Variants in DNMT3B observed in about 807,000 individuals in gnomAD.
DNMT3B encodes the protein DNA methyltransferase 3 beta.
DNMT3B carries 37 observed loss-of-function variants against 120.2 expected under a neutral mutation model. The observed-to-expected ratio is 0.31, with a 90% CI of 0.24 to 0.40. The LOEUF (loss-of-function observed/expected upper bound fraction) is 0.40, where lower values mean the gene tolerates loss of function less well. DNMT3B is among the 10% of genes least tolerant of loss of function. The pLI is 1.00. For synonymous variants in DNMT3B, 412 were observed against 442.8 expected (o/e 0.93, Z 0.87); for missense variants, 878 against 1,137.3 (o/e 0.77, Z 3.28).
rs770124472 is a variant in DNMT3B at position 32,800,835 on chromosome 20, A to G, written c.1906A>G (p.Ile636Val). The change falls in exon 18 of 23, where the codon ATT becomes GTT. Residue 636 changes from isoleucine (I) to valine (V), a missense_variant and splice_region_variant. This residue lies in a region of DNMT3B where 334 missense variants were observed against 518.8 expected (regional missense o/e 0.64). Transcript: ENST00000328111. Reference sequence around the variant, plus strand: ...TCCTGACTCTGTCTCTCTCTTTCAGATTGAAGAATGGGGCCCATTTGACTT... The same window carrying G: ...TCCTGACTCTGTCTCTCTCTTTCAGGTTGAAGAATGGGGCCCATTTGACTT... ...NDVRNITKKN[I>V]EEWGPFDLVI... 1.4e-5 allele frequency: 23 copies of G among 1,613,952 alleles called. No individual in the cohort carries two copies. The South Asian group carries it at 2.3e-4, about 16-fold the overall frequency.
Position 32,800,232 on chromosome 20 carries a change from T to G in DNMT3B, c.1839T>G (p.Val613=). Residue 613 remains valine, a synonymous_variant, in exon 17 of 23, where the codon GTT becomes GTG. Transcript: ENST00000328111. The part of the protein sequence containing the change: ...ASEVCEESIA[V]GTVKHEGNIK... ...AAGTGTGTGAGGAGTCCATTGCTGT[T>G]GGAACCGTGAAGCACGAGGGGAATA... The G allele has an allele frequency of 6.2e-7, 1 of 1,614,166 alleles. No individual in the cohort carries two copies. The highest frequency in any genetic ancestry group is 1.1e-5 in the South Asian group (1 of 91,086).
intron 19 of DNMT3B, among the ~76,000 whole-genome samples, chr20:32,801,940 T>C (rs779082518): frequency 6.6e-6 from 1 of 152,134 alleles, no homozygotes; most frequent in African/African-American, 2.4e-5. Flanking sequence ...AAGTCAGAAA[T>C]GATGAAACAA....
intron 9 of DNMT3B, among the ~76,000 whole-genome samples, chr20:32,793,068 G>A (rs2145985647): frequency 6.6e-6 from 1 of 152,314 alleles, no homozygotes; most frequent in South Asian, 2.1e-4. Flanking sequence ...AAATAGTTAA[G>A]CTATGCTCAT....
intron 4 of DNMT3B, among the ~76,000 whole-genome samples, chr20:32,785,060 G>A (rs1385739899): frequency 3.4e-5 from 5 of 148,762 alleles, no homozygotes; most frequent in African/African-American, 7.5e-5. Context: ...TTTCTGAGAC[G>A]GAGTCTCACT....
intron 1 of DNMT3B, among the ~76,000 whole-genome samples, chr20:32,770,610 CTTT>C (rs1555833247): frequency 1.4e-5 from 2 of 144,840 alleles, no homozygotes; most frequent in East Asian, 4.0e-4. Context: ...CTCCGCCTTA[CTTT>C]TTTTTTTTTT....
intron 19 of DNMT3B, 64 bp downstream of exon 19, chr20:32,801,490 G>A: frequency 6.2e-7 from 1 of 1,604,554 alleles, no homozygotes; most frequent in East Asian, 2.2e-5. Flanking sequence ...TGCTGGCAGT[G>A]ATGATTGGTG....
chr20:32,795,761 T>A (rs1980547747), intron 12 of DNMT3B, 67 bp downstream of exon 12: 2 of 1,597,284 alleles, frequency 1.3e-6, no homozygotes, highest in Admixed American at 3.3e-5. Context: ...TGCCTTGTCC[T>A]GGCTCATCCA....
intron 4 of DNMT3B, 73 bp downstream of exon 4, chr20:32,784,932 A>G: frequency 1.4e-6 from 2 of 1,408,880 alleles, no homozygotes; most frequent in Non-Finnish European, 2.0e-6. Flanking sequence ...TGCTACATAC[A>G]TAGCATAGCT....
chr20:32,808,029 C>G lies in DNMT3B; in HGVS notation c.*126C>G. ...GTGGGTCATACCGTGTACCTCAGTTCCCTCTTGCTCAGTGGGGGCAGAGCC... is the reference window on the plus strand; with the variant it reads ...GTGGGTCATACCGTGTACCTCAGTTGCCTCTTGCTCAGTGGGGGCAGAGCC... On this transcript the variant is annotated 3_prime_UTR_variant, in exon 23 of 23. Transcript: ENST00000328111. 2.0e-6 allele frequency: 3 copies of G among 1,528,702 alleles called. No individual in the cohort carries two copies. The highest frequency in any genetic ancestry group is 2.3e-5 in the South Asian group (2 of 86,054). The allele number at this position is 1,528,702 out of a possible 1,614,324, so 94.7% of individuals were successfully genotyped here.
chr20:32,787,747 G>A (rs1488122845), intron 6 of DNMT3B, among the ~76,000 whole-genome samples: 4 of 152,080 alleles, frequency 2.6e-5, no homozygotes, highest in Non-Finnish European at 4.4e-5. Flanking sequence ...TTTCATGTAC[G>A]CCCGTGTGAA....
rs1362412497 is a variant in DNMT3B at position 32,793,711 on chromosome 20, C to T, written c.1126+116C>T. On this transcript the variant is annotated intron_variant, in intron 10 of 22. Coordinates refer to ENST00000328111, the MANE Select transcript of DNMT3B (RefSeq NM_006892.4). ...AAATTTCTTGAAAAGTCAATCTGAA[C>T]TCCCTCCCCACTCTCCCCTCACATC... 3 of 1,169,254 alleles carry T rather than the reference C, an allele frequency of 2.6e-6. No individual in the cohort carries two copies. The East Asian group carries it at 7.6e-5, about 30-fold the overall frequency. 72.4% of individuals were successfully genotyped at this position (1,169,254 alleles called of 1,614,324 possible).
intron 1 of DNMT3B, among the ~76,000 whole-genome samples, chr20:32,773,599 G>A (rs6119951): frequency 0.058 from 8,423 of 145,452 alleles, 821 homozygotes; most frequent in African/African-American, 0.21. Flanking sequence ...TGGGGTTTGA[G>A]AGAAATATTG....
Position 32,808,281 on chromosome 20 carries a change from G to A in DNMT3B, c.*378G>A. 1 of 351,274 alleles carries A rather than the reference G, an allele frequency of 2.8e-6. No homozygotes were observed. The highest frequency in any genetic ancestry group is 4.1e-5 in the South Asian group (1 of 24,536). The allele number at this position is 351,274 out of a possible 1,614,324, so 21.8% of individuals were successfully genotyped here. ...GTGCCGACAGCTCTCCAATACTCAG[G>A]TTAATGCTGAAAAATCATCCAAGAC... is the stretch of plus-strand genomic sequence containing the variant. On this transcript the variant is annotated 3_prime_UTR_variant, in exon 23 of 23. Coordinates refer to ENST00000328111, the MANE Select transcript of DNMT3B (RefSeq NM_006892.4).
rs190907389 is a variant in DNMT3B, at chr20:32,787,213, T to C, written c.433-17T>C. On this transcript the variant is annotated splice_polypyrimidine_tract_variant and intron_variant, in intron 5 of 22. Coordinates refer to ENST00000328111, the MANE Select transcript of DNMT3B (RefSeq NM_006892.4). ...ATCCTTTGCTCTGGCCCAAACTATG[T>C]GTCCTTCTGTCCACAGTCCCTGAGA... 5.6e-6 allele frequency: 9 copies of C among 1,614,216 alleles called. No individual in the cohort carries two copies. In the East Asian group the frequency reaches 8.9e-5, roughly 16 times the overall value.
In DNMT3B at chr20:32,809,243, CAA is replaced by C. The variant is rs1982267506; in HGVS notation, c.*1342_*1343del. ...TTTTGTAACTGGAGCCACGACGTAA[CAA>C]ATATGGGGAAAAAACTGTGCCTTGT... On this transcript the variant is annotated 3_prime_UTR_variant, in exon 23 of 23. Coordinates refer to ENST00000328111, the MANE Select transcript of DNMT3B (RefSeq NM_006892.4). The C allele has an allele frequency of 4.6e-6, 1 of 219,244 alleles. No homozygotes were observed. Among genetic ancestry groups the C allele is most frequent in the East Asian group, 6.8e-5 (1 of 14,800 alleles). 13.6% of individuals were successfully genotyped at this position (219,244 alleles called of 1,614,324 possible).
intron 7 of DNMT3B, among the ~76,000 whole-genome samples, chr20:32,790,197 G>A (rs1297876542): frequency 1.3e-5 from 2 of 152,214 alleles, no homozygotes; most frequent in African/African-American, 4.8e-5. Context: ...GAGAGCCCCT[G>A]CATGCAGTTG....
chr20:32,768,391 C>T (rs1381962341), intron 1 of DNMT3B, among the ~76,000 whole-genome samples: 1 of 152,122 alleles, frequency 6.6e-6, no homozygotes, highest in Non-Finnish European at 1.5e-5. Context: ...GGTGTTTCTC[C>T]ATGTTGGTCA....
intron 18 of DNMT3B, 21 bp downstream of exon 18, chr20:32,800,946 C>A: frequency 6.2e-7 from 1 of 1,613,228 alleles, no homozygotes; most frequent in Non-Finnish European, 8.5e-7. Context: ...TTCTCTCTGG[C>A]AGTCCCTGGA....
At position 32,787,269 on chromosome 20, in the gene DNMT3B, T is replaced by G; in HGVS notation, c.472T>G (p.Trp158Gly). 2 of 1,614,238 alleles carry G rather than the reference T, an allele frequency of 1.2e-6. No individual in the cohort carries two copies. Among genetic ancestry groups the G allele is most frequent in the South Asian group, 1.1e-5 (1 of 91,088 alleles). Residue 158 changes from tryptophan (W) to glycine (G), a missense_variant, in exon 6 of 23, where the codon TGG becomes GGG. By Grantham distance (184) the Trp-to-Gly change is radical (BLOSUM62 -2). Coordinates refer to ENST00000328111, the MANE Select transcript of DNMT3B (RefSeq NM_006892.4). The part of the protein sequence containing the change: ...RRATASAGTP[W>G]PSPPSSYLTI... Reference sequence around the variant, plus strand: ...GGCAACAGCATCGGCAGGAACGCCATGGCCGTCCCCTCCCAGCTCTTACCT... The same window carrying G: ...GGCAACAGCATCGGCAGGAACGCCAGGGCCGTCCCCTCCCAGCTCTTACCT...
Sources: allele counts gnomAD v4.1 joint callset (sites outside exome capture counted in the v4.1 genomes callset), GRCh38; gene constraint gnomAD v4.1.1; regional missense constraint gnomAD v4.1.1; transcripts MANE v1.5; gene names NCBI Gene and HGNC (gene_info 2026-07-23, HGNC 2026-07-21).